NCAM1: variants seen among roughly 807,000 people sequenced by gnomAD.
NCAM1 encodes the protein antigen recognized by monoclonal antibody 5.1H11.
Under a neutral mutation model 109.8 loss-of-function variants are expected in NCAM1, and 14 were observed. That is an observed-to-expected ratio of 0.13 (90% CI 0.08 to 0.20). The LOEUF is 0.20. Among genes scored for constraint, NCAM1 ranks in the 10% least tolerant of loss-of-function variants. The probability of loss-of-function intolerance (pLI) is 1.00; values close to 1 mark genes in which losing one functional copy is unlikely to be tolerated. For synonymous variants in NCAM1, 418 were observed against 442.9 expected (o/e 0.94, Z 0.70); for missense variants, 774 against 1,109.9 (o/e 0.70, Z 4.30).
intron 1 of NCAM1, among the ~76,000 whole-genome samples, chr11:113,183,589 T>G (rs1250978877): frequency 6.6e-6 from 1 of 152,226 alleles, no homozygotes; most frequent in Admixed American, 6.5e-5. Flanking sequence ...TTGGTGTGAT[T>G]TTTTTTATCC....
chr11:113,105,674 A>G (rs1940123281), intron 1 of NCAM1, among the ~76,000 whole-genome samples: 1 of 152,238 alleles, frequency 6.6e-6, no homozygotes, highest in Non-Finnish European at 1.5e-5. Context: ...AAATGACCAC[A>G]TAGTGTATGA....
At chr11:113,060,903 A>G (rs1836798) in intron 1 of NCAM1, among the ~76,000 whole-genome samples, 45,501 of 151,982 alleles carry the variant, frequency 0.3, 7,615 homozygotes, top group East Asian at 0.62. Flanking sequence ...GGAAGAATAC[A>G]TAAAGAATGG....
chr11:113,018,143 A>ATAT (rs1233492775), intron 1 of NCAM1, among the ~76,000 whole-genome samples: 2 of 151,066 alleles, frequency 1.3e-5, no homozygotes, highest in East Asian at 3.9e-4. Context: ...ATGCCATGGC[A>ATAT]TATTCTCTGT....
At chr11:112,997,496 A>C (rs1410309823) in intron 1 of NCAM1, among the ~76,000 whole-genome samples, 1 of 152,144 alleles carries the variant, frequency 6.6e-6, no homozygotes, top group Non-Finnish European at 1.5e-5. Flanking sequence ...GACAGTGTTC[A>C]TTATTTTCAA....
intron 15 of NCAM1, among the ~76,000 whole-genome samples, chr11:113,253,057 T>G (rs1183420946): frequency 6.6e-6 from 1 of 151,944 alleles, no homozygotes; most frequent in African/African-American, 2.4e-5. Flanking sequence ...TATAGTGTTC[T>G]AACTATGTCA....
At chr11:112,987,252 A>G (rs1951332267) in intron 1 of NCAM1, among the ~76,000 whole-genome samples, 1 of 152,144 alleles carries the variant, frequency 6.6e-6, no homozygotes, top group Non-Finnish European at 1.5e-5. Flanking sequence ...CATGGTTAGA[A>G]AAGATACTTG....
Position 113,235,154 on chromosome 11 carries a change from G to A in NCAM1, c.1815G>A (p.Thr605=), listed in dbSNP as rs561652532. 6.1e-5 allele frequency: 98 copies of A among 1,613,814 alleles called. No individual in the cohort carries two copies. The highest frequency in any genetic ancestry group is 7.3e-5 in the Non-Finnish European group (86 of 1,179,800). The change falls in exon 14 of 20, where the codon ACG becomes ACA. Residue 605 remains threonine (T), a synonymous_variant. Transcript: ENST00000316851. ...TCAGCGCGGCCTCCGAGTTCAAGAC[G>A]CAGCCAGTCCGTAAGTAAAGCCAGC... is the stretch of plus-strand genomic sequence containing the variant. ...GEISAASEFK[T]QPVQGEPSAP... is the part of the protein sequence containing the mutation.
intron 1 of NCAM1, among the ~76,000 whole-genome samples, chr11:113,156,321 GC>G (rs1942407757): frequency 6.6e-6 from 1 of 152,114 alleles, no homozygotes; most frequent in African/African-American, 2.4e-5. Flanking sequence ...GGTAGTAGCA[GC>G]CCATTGAGAT....
In NCAM1 at chr11:112,962,091, C is replaced by A. The variant is rs4547132; in HGVS notation, c.52+427C>A. Among the ~76,000 whole-genome samples, 1 of 151,970 alleles carries A rather than the reference C, an allele frequency of 6.6e-6. No homozygotes were observed. The highest frequency in any genetic ancestry group is 1.5e-5 in the Non-Finnish European group (1 of 67,952). On this transcript the variant is annotated intron_variant, in intron 1 of 19. Coordinates refer to ENST00000316851, the MANE Select transcript of NCAM1 (RefSeq NM_181351.5). The surrounding 1 kb of genome is among the most constrained non-coding windows in gnomAD (Gnocchi z 5.6). ...CCGAGGGGGAAGTGGCTTGTCAGCCCCGGCTCCGGGAAGAGTGAACAATAA... is the reference window on the plus strand; with the variant it reads ...CCGAGGGGGAAGTGGCTTGTCAGCCACGGCTCCGGGAAGAGTGAACAATAA...
chr11:113,098,282 GATACCAGA>G (rs1939699479), intron 1 of NCAM1, among the ~76,000 whole-genome samples: 1 of 152,106 alleles, frequency 6.6e-6, no homozygotes, highest in Admixed American at 6.6e-5. Flanking sequence ...CCCTTATCAG[GATACCAGA>G]ATACATGGAT....
At chr11:113,262,762 G>A (rs1555123618) in intron 17 of NCAM1, 1 of 1,460,032 alleles carries the variant, frequency 6.8e-7, no homozygotes, top group South Asian at 1.3e-5. Flanking sequence ...TTGTCACCTT[G>A]GACGTCACTG....
chr11:113,040,066 C>G (rs1037203068), intron 1 of NCAM1, among the ~76,000 whole-genome samples: 3 of 152,104 alleles, frequency 2.0e-5, no homozygotes, highest in Admixed American at 2.0e-4. Context: ...TGGTTAAACC[C>G]AGGAGGTGGA....
chr11:113,271,806 G>A lies in NCAM1; in HGVS notation c.2386G>A (p.Glu796Lys), dbSNP rs1555125423. 3.2e-6 allele frequency: 5 copies of A among 1,570,828 alleles called. No homozygotes were observed. The highest frequency in any genetic ancestry group is 4.3e-6 in the Non-Finnish European group (5 of 1,158,260). ...CATCGTGGAGGTTCGAACGGAGGAG[G>A]AGAGGACCCCAAACCATGATGGAGG... ...EPIVEVRTEE[E>K]RTPNHDGGKH... Residue 796 changes from glutamate to lysine, a missense_variant, in exon 19 of 20, where the codon GAG (glutamate) becomes AAG (lysine). By Grantham distance (56) the Glu-to-Lys change is moderately conservative (BLOSUM62 1). This residue lies in a region of NCAM1 where 122 missense variants were observed against 129.7 expected (regional missense o/e 0.94). Coordinates refer to ENST00000316851, the MANE Select transcript of NCAM1 (RefSeq NM_181351.5).
intron 9 of NCAM1, among the ~76,000 whole-genome samples, chr11:113,223,680 G>A (rs1555115710): frequency 6.6e-6 from 1 of 152,148 alleles, no homozygotes; most frequent in African/African-American, 2.4e-5. Context: ...GTTTGTGTGT[G>A]GTGGCCCCAG....
At chr11:113,026,278 G>T (rs963179493) in intron 1 of NCAM1, among the ~76,000 whole-genome samples, 13 of 152,218 alleles carry the variant, frequency 8.5e-5, no homozygotes, top group Non-Finnish European at 1.5e-5. Flanking sequence ...GATGGGCAGG[G>T]ACTCATGTCT....
intron 8 of NCAM1, among the ~76,000 whole-genome samples, chr11:113,215,310 C>A (rs551622163): frequency 6.6e-6 from 1 of 152,126 alleles, no homozygotes; most frequent in Admixed American, 6.5e-5. Context: ...CAACTTAAAC[C>A]GTCTTATGGT....
intron 1 of NCAM1, among the ~76,000 whole-genome samples, chr11:113,005,288 A>G (rs1555073131): frequency 6.6e-6 from 1 of 152,132 alleles, no homozygotes; most frequent in Non-Finnish European, 1.5e-5. Flanking sequence ...ATAATCATAG[A>G]ACATACCAAA....
At chr11:113,040,990 G>A (rs1371327299) in intron 1 of NCAM1, 2 of 151,972 alleles carry the variant, frequency 1.3e-5, no homozygotes, top group East Asian at 3.9e-4. Context: ...AATATGTATG[G>A]TTTTGCTTTT....
At chr11:113,162,212 C>T (rs1555104523) in intron 1 of NCAM1, among the ~76,000 whole-genome samples, 1 of 152,132 alleles carries the variant, frequency 6.6e-6, no homozygotes, top group East Asian at 1.9e-4. Context: ...GTAATTTAGC[C>T]TTTGCAAACA....
Sources: gnomAD v4.1 joint callset for allele counts (sites outside exome capture counted in the v4.1 genomes callset) on GRCh38, gnomAD v4.1.1 for gene constraint, gnomAD v4.1.1 regional missense constraint, Gnocchi (gnomAD v3.1) non-coding constraint, MANE v1.5 for transcripts, NCBI Gene and HGNC (gene_info 2026-07-23, HGNC 2026-07-21) for gene names.